TMEM232: variants seen among roughly 807,000 people sequenced by gnomAD.
TMEM232 encodes transmembrane protein 232.
TMEM232 carries 80 observed loss-of-function variants against 78.8 expected under a neutral mutation model. The ratio of observed to expected loss-of-function variants is 1.01; its 90% confidence interval spans 0.85 to 1.22. The LOEUF (loss-of-function observed/expected upper bound fraction) is 1.22. Ranked by LOEUF, TMEM232 falls within the 50% of genes most tolerant of loss-of-function variation. The probability of loss-of-function intolerance (pLI) is 0.00; values close to 1 mark genes in which losing one functional copy is unlikely to be tolerated. For synonymous variants in TMEM232, 297 were observed against 254.3 expected, an observed-to-expected ratio of 1.17 and a Z score of -1.60; for missense variants, 881 against 742.2, an observed-to-expected ratio of 1.19 and a Z score of -2.17.
upstream of TMEM232, chr5:110,738,928 G>A (rs1223896449): frequency 2.1e-6 from 3 of 1,402,948 alleles, no homozygotes; most frequent in African/African-American, 2.9e-5. Flanking sequence ...TAGCAACCGT[G>A]CCCTTTAATG....
chr5:110,649,837 T>A (rs1394999953), intron 2 of TMEM232, among the ~76,000 whole-genome samples: 7 of 152,126 alleles, frequency 4.6e-5, no homozygotes. Context: ...TATGGCAATA[T>A]AGTTATAGTG....
intron 1 of TMEM232, among the ~76,000 whole-genome samples, chr5:110,736,252 A>G (rs1442781463): frequency 6.6e-6 from 1 of 152,194 alleles, no homozygotes; most frequent in Non-Finnish European, 1.5e-5. Context: ...TAGAGCTTTC[A>G]TAGTGCTCTA....
upstream of TMEM232, among the ~76,000 whole-genome samples, chr5:110,731,168 C>T (rs1798642037): frequency 6.6e-6 from 1 of 152,190 alleles, no homozygotes; most frequent in South Asian, 2.1e-4. Context: ...TCCTTTGATG[C>T]CAGGTCTCAC....
intron 12 of TMEM232, among the ~76,000 whole-genome samples, chr5:110,518,594 T>C (rs940457198): frequency 1.2e-4 from 19 of 152,228 alleles, no homozygotes; most frequent in African/African-American, 4.3e-4. Context: ...CTATATGTCT[T>C]CCTCACTGAT....
At chr5:110,538,135 G>C (rs747223697) in intron 11 of TMEM232, among the ~76,000 whole-genome samples, 2 of 152,172 alleles carry the variant, frequency 1.3e-5, no homozygotes, top group Non-Finnish European at 2.9e-5. Context: ...GTAAATTAAG[G>C]GGGGTTACAC....
chr5:110,710,107 A>G (rs1001618957), intron 1 of TMEM232, among the ~76,000 whole-genome samples: 2 of 152,110 alleles, frequency 1.3e-5, no homozygotes, highest in Non-Finnish European at 2.9e-5. Flanking sequence ...GCAGAAATTC[A>G]AAGGATCATT....
intron 11 of TMEM232, among the ~76,000 whole-genome samples, chr5:110,547,617 C>A (rs140834904): frequency 0.014 from 2,189 of 152,166 alleles, 31 homozygotes; most frequent in Non-Finnish European, 0.021. Context: ...AAAATAAACA[C>A]AGCAATTGGA....
intron 11 of TMEM232, among the ~76,000 whole-genome samples, chr5:110,556,361 C>CT (rs1561682610): frequency 3.8e-5 from 5 of 132,890 alleles, no homozygotes; most frequent in Non-Finnish European, 3.3e-5. Flanking sequence ...TTCCCTTCCC[C>CT]TTCCTTCCTT....
intron 12 of TMEM232, among the ~76,000 whole-genome samples, chr5:110,486,445 T>A (rs529400024): frequency 1.3e-4 from 20 of 152,198 alleles, no homozygotes; most frequent in African/African-American, 4.6e-4. Context: ...AATTTTTATT[T>A]TCAAGTTTTA....
chr5:110,533,434 C>T (rs1297602749), intron 11 of TMEM232, among the ~76,000 whole-genome samples: 4 of 152,206 alleles, frequency 2.6e-5, no homozygotes, highest in Non-Finnish European at 5.9e-5. Context: ...TGTAGCCTGT[C>T]CAAACAACTT....
intron 2 of TMEM232, among the ~76,000 whole-genome samples, chr5:110,410,523 G>C (rs1208855486): frequency 6.6e-6 from 1 of 152,130 alleles, no homozygotes; most frequent in Non-Finnish European, 1.5e-5. Context: ...CACTCAATTG[G>C]ATGGCAGAAC....
chr5:110,661,917 T>C (rs1386563268), intron 2 of TMEM232, among the ~76,000 whole-genome samples: 2 of 152,182 alleles, frequency 1.3e-5, no homozygotes, highest in Non-Finnish European at 2.9e-5. Flanking sequence ...AATTTTTTCA[T>C]ATATCTGTTG....
chr5:110,691,943 C>T (rs144190239), intron 1 of TMEM232, among the ~76,000 whole-genome samples: 11,968 of 152,028 alleles, frequency 0.079, 539 homozygotes, highest in Admixed American at 0.12. Context: ...TTTTTTGGGA[C>T]GGAGTCTCAC....
chr5:110,599,037 T>G lies in TMEM232; in HGVS notation c.1276+6072A>C, dbSNP rs191311990. Among the ~76,000 whole-genome samples the G allele has an allele frequency of 5.9e-5, 9 of 152,062 alleles. No individual in the cohort carries two copies. The East Asian group carries it at 1.6e-3, about 26-fold the overall frequency. ...AATAATAAAAAAAAGAAAAGAATTT[T>G]CAACCCAGAATTTCATATCAAGCCA... On this transcript the variant is annotated intron_variant, in intron 10 of 13. Coordinates refer to ENST00000455884, the MANE Select transcript of TMEM232 (RefSeq NM_001039763.4).
Position 110,687,702 on chromosome 5 carries a change from C to G in TMEM232, c.-12-20338G>C, listed in dbSNP as rs112716614. Reference sequence around the variant, plus strand: ...TTTCTCTTTCTCTTTGTCTCTCTCTCTGTCTCTCCCTCTCTCTCTATACAT... The same window carrying G: ...TTTCTCTTTCTCTTTGTCTCTCTCTGTGTCTCTCCCTCTCTCTCTATACAT... On this transcript the variant is annotated intron_variant, in intron 1 of 13. Transcript: ENST00000455884. Among the ~76,000 whole-genome samples the G allele has an allele frequency of 2.4e-3, 364 of 152,224 alleles. 1 individual carries two copies. The highest frequency in any genetic ancestry group is 8.4e-3 in the African/African-American group (348 of 41,554).
chr5:110,567,714 G>A (rs1045379343), intron 11 of TMEM232, among the ~76,000 whole-genome samples: 1 of 151,878 alleles, frequency 6.6e-6, no homozygotes, highest in Non-Finnish European at 1.5e-5. Context: ...TTCTATGTGT[G>A]TTGAAATCAC....
chr5:110,442,741 T>C (rs1464612565), intron 12 of TMEM232, among the ~76,000 whole-genome samples: 1 of 152,162 alleles, frequency 6.6e-6, no homozygotes, highest in Admixed American at 6.5e-5. Context: ...CTTCACAGTC[T>C]GGGCTTTCTT....
intron 12 of TMEM232, among the ~76,000 whole-genome samples, chr5:110,474,129 A>G (rs549874716): frequency 1.1e-4 from 16 of 151,972 alleles, no homozygotes; most frequent in African/African-American, 3.1e-4. Flanking sequence ...CAAAATAGCT[A>G]TAAGAACGGA....
intron 1 of TMEM232, chr5:110,725,545 A>G (rs1798067392): frequency 6.6e-6 from 1 of 152,220 alleles, no homozygotes; most frequent in African/African-American, 2.4e-5. Flanking sequence ...CATTAAGATC[A>G]TAAGGGTCCA....
Sources: gnomAD v4.1 joint callset for allele counts (sites outside exome capture counted in the v4.1 genomes callset) on GRCh38, gnomAD v4.1.1 for gene constraint, MANE v1.5 for transcripts, NCBI Gene and HGNC (gene_info 2026-07-23, HGNC 2026-07-21) for gene names.